The following LRRC49 variants were observed in gnomAD, a reference collection of about 807,000 sequenced individuals.
LRRC49 encodes the protein leucine-rich repeat-containing protein 49.
LRRC49 carries 50 observed loss-of-function variants against 83.3 expected under a neutral mutation model. The ratio of observed to expected loss-of-function variants is 0.60; its 90% CI spans 0.48 to 0.76. The LOEUF (loss-of-function observed/expected upper bound fraction) is 0.76. Ranked by LOEUF, LRRC49 falls within the 30% of genes least tolerant of loss-of-function variation. The pLI is 0.00. For missense variants in LRRC49, 704 were observed against 809.1 expected (o/e 0.87, Z 1.58); for synonymous variants, 286 against 283.3 (o/e 1.01, Z -0.10).
Position 70,859,911 on chromosome 15 carries a change from GC to G in LRRC49, c.-299+6444del, listed in dbSNP as rs1416068028. On this transcript the variant is annotated intron_variant, in intron 1 of 16. Transcript: ENST00000544974. The stretch of plus-strand genomic sequence containing the variant: ...AGGAAGCTGCTGGAGGGTGAGGAGA[GC>G]CGGCTGGAGTCTGGGATGCAGAACA... 83 of 768,426 alleles carry G rather than the reference GC, an allele frequency of 1.1e-4. No homozygotes were observed. In the Middle Eastern group the frequency reaches 3.1e-3, roughly 28 times the overall value. 47.6% of individuals were successfully genotyped at this position (768,426 alleles called of 1,614,324 possible).
At chr15:70,979,592 A>G (rs2037327348) in intron 9 of LRRC49, among the ~76,000 whole-genome samples, 1 of 152,112 alleles carries the variant, frequency 6.6e-6, no homozygotes, top group African/African-American at 2.4e-5. Flanking sequence ...GGGCAACACA[A>G]TTTAAAAACA....
intron 5 of LRRC49, among the ~76,000 whole-genome samples, chr15:70,905,637 G>A (rs1272108296): frequency 6.6e-6 from 1 of 152,156 alleles, no homozygotes; most frequent in Non-Finnish European, 1.5e-5. Context: ...CCAAAACAGG[G>A]AAAACTGTGT....
intron 2 of LRRC49, among the ~76,000 whole-genome samples, chr15:70,876,108 C>A (rs1028322354): frequency 6.6e-5 from 10 of 152,100 alleles, no homozygotes; most frequent in African/African-American, 1.9e-4. Flanking sequence ...ACTTTAAGTG[C>A]CACAGGAAGT....
intron 8 of LRRC49, among the ~76,000 whole-genome samples, chr15:70,951,980 A>T (rs1398382169): frequency 1.3e-5 from 2 of 152,022 alleles, no homozygotes; most frequent in Non-Finnish European, 2.9e-5. Flanking sequence ...TGAAGGGATG[A>T]TGAATTTTTT....
At chr15:70,972,536 G>T (rs1257298783) in intron 9 of LRRC49, among the ~76,000 whole-genome samples, 1 of 152,158 alleles carries the variant, frequency 6.6e-6, no homozygotes, top group Non-Finnish European at 1.5e-5. Flanking sequence ...GGCCTGTCTT[G>T]CTAGGTTGGG....
At chr15:70,927,604 G>GT (rs2035250901) in intron 7 of LRRC49, among the ~76,000 whole-genome samples, 1 of 152,032 alleles carries the variant, frequency 6.6e-6, no homozygotes, top group East Asian at 1.9e-4. Flanking sequence ...AAGGTTTATA[G>GT]TTTTACCTTT....
At chr15:70,954,886 A>G (rs1269553345) in intron 8 of LRRC49, among the ~76,000 whole-genome samples, 1 of 152,010 alleles carries the variant, frequency 6.6e-6, no homozygotes, top group Non-Finnish European at 1.5e-5. Context: ...TGTGGGCAGG[A>G]TATGCTCCAG....
chr15:70,919,540 C>T (rs1354301896), intron 7 of LRRC49, among the ~76,000 whole-genome samples: 2 of 151,936 alleles, frequency 1.3e-5, no homozygotes. Context: ...AATTATTGTA[C>T]CAAGAGGGAA....
chr15:70,983,679 A>G (rs2037486868), intron 10 of LRRC49, among the ~76,000 whole-genome samples: 1 of 152,140 alleles, frequency 6.6e-6, no homozygotes, highest in Non-Finnish European at 1.5e-5. Flanking sequence ...ATTATTGAGT[A>G]GAAAAACTAA....
intron 9 of LRRC49, among the ~76,000 whole-genome samples, chr15:70,969,552 A>G (rs2036916146): frequency 6.6e-6 from 1 of 152,218 alleles, no homozygotes. Flanking sequence ...TTAGCATTAA[A>G]TATATAAATT....
intron 2 of LRRC49, chr15:70,895,618 T>C: frequency 4.8e-6 from 2 of 413,376 alleles, no homozygotes; most frequent in South Asian, 7.1e-5. Context: ...AAGCAGTTAC[T>C]TCCCATTCCC....
intron 11 of LRRC49, among the ~76,000 whole-genome samples, chr15:70,991,645 C>T (rs2037884993): frequency 1.3e-5 from 2 of 152,224 alleles, no homozygotes; most frequent in Admixed American, 1.3e-4. Flanking sequence ...ATGCAGAACC[C>T]ACTGATACTG....
chr15:70,988,902 G>C (rs1282886575), intron 11 of LRRC49, among the ~76,000 whole-genome samples: 3 of 152,046 alleles, frequency 2.0e-5, no homozygotes, highest in South Asian at 4.2e-4. Flanking sequence ...ATGAAGCTTA[G>C]TTTGGCTGTA....
chr15:70,986,949 G>A (rs1313881053), intron 11 of LRRC49, among the ~76,000 whole-genome samples: 10 of 152,074 alleles, frequency 6.6e-5, no homozygotes, highest in East Asian at 1.9e-4. Flanking sequence ...ATTGATTTGC[G>A]TATATTGAGC....
intron 2 of LRRC49, among the ~76,000 whole-genome samples, chr15:70,883,243 G>A (rs1434548582): frequency 1.3e-5 from 2 of 151,336 alleles, no homozygotes; most frequent in Non-Finnish European, 2.9e-5. Flanking sequence ...CCAAGCTGGA[G>A]CGCAATGGTG....
At chr15:70,922,360 G>A (rs1348893455) in intron 7 of LRRC49, among the ~76,000 whole-genome samples, 2 of 152,090 alleles carry the variant, frequency 1.3e-5, no homozygotes, top group Non-Finnish European at 2.9e-5. Flanking sequence ...AAAAGGATGA[G>A]ATCCAGTCAT....
At chr15:70,996,186 G>T (rs1173919392) in intron 11 of LRRC49, among the ~76,000 whole-genome samples, 3 of 151,960 alleles carry the variant, frequency 2.0e-5, no homozygotes, top group Non-Finnish European at 4.4e-5. Flanking sequence ...AAATTTTAGG[G>T]ATAAATAGTA....
At chr15:70,979,768 T>C (rs903653561) in intron 9 of LRRC49, among the ~76,000 whole-genome samples, 2 of 152,114 alleles carry the variant, frequency 1.3e-5, no homozygotes, top group Non-Finnish European at 2.9e-5. Context: ...TGATAGAAAG[T>C]TTAAACCTAT....
At position 70,984,152 on chromosome 15, in the gene LRRC49, G is replaced by A. The variant is rs914264759; in HGVS notation, c.1064G>A (p.Arg355Gln). The A allele has an allele frequency of 2.0e-5, 31 of 1,554,030 alleles. No individual in the cohort carries two copies. The highest frequency in any genetic ancestry group is 2.8e-5 in the Non-Finnish European group (31 of 1,127,002). The change falls in exon 11 of 16, where the codon CGA (arginine) becomes CAA (glutamine). Residue 355 changes from arginine to glutamine, a missense_variant. Coordinates refer to ENST00000260382, the MANE Select transcript of LRRC49 (RefSeq NM_017691.5). ...VARQWDLQQQ[R>Q]VANIATNEDR... is the part of the protein sequence containing the mutation. ...CGACAGTGGGACTTGCAACAACAAC[G>A]AGTAGCCAATATTGCTACAAATGAA... is the stretch of plus-strand genomic sequence containing the variant.
Sources: allele counts gnomAD v4.1 joint callset (sites outside exome capture counted in the v4.1 genomes callset), GRCh38; gene constraint gnomAD v4.1.1; transcripts MANE v1.5; gene names NCBI Gene and HGNC (gene_info 2026-07-23, HGNC 2026-07-21).